The following SLIT1 variants were observed in gnomAD, a reference collection of about 807,000 sequenced individuals.
SLIT1 encodes slit homolog 1 protein.
A neutral mutation model predicts 186.1 loss-of-function variants in SLIT1; 66 were observed. That is an observed-to-expected ratio of 0.35 (90% CI 0.29 to 0.44). SLIT1 has a LOEUF of 0.44. SLIT1 is among the 20% of genes least tolerant of loss of function. SLIT1 has a pLI of 1.00. For synonymous variants in SLIT1, 761 were observed against 833.8 expected (o/e 0.91, Z 1.50); for missense variants, 1,638 against 2,037.4 (o/e 0.80, Z 3.77).
intron 28 of SLIT1, among the ~76,000 whole-genome samples, chr10:97,014,780 C>T (rs1022799515): frequency 3.3e-5 from 5 of 151,824 alleles, no homozygotes; most frequent in African/African-American, 1.2e-4. Flanking sequence ...GCAGGAGAAT[C>T]GCTTGAACCT....
chr10:97,018,592 G>A lies in SLIT1; in HGVS notation c.2963C>T (p.Pro988Leu), dbSNP rs776270572. ...TCHAQEGEDA[P>L]FTCSCPTGFE... ...GCCCCTCCAGGTAACTCACGTGAAC[G>A]GGGCATCCTCGCCCTCCTGTGCATG... Residue 988 changes from proline (P) to leucine (L), a missense_variant, in exon 28 of 37, where the codon CCG becomes CTG. Physicochemically the swap from Pro to Leu is moderately conservative, Grantham distance 98. Coordinates refer to ENST00000266058, the MANE Select transcript of SLIT1 (RefSeq NM_003061.3). The A allele has an allele frequency of 1.1e-5, 17 of 1,579,012 alleles. No homozygotes were observed. The highest frequency in any genetic ancestry group is 4.0e-5 in the African/African-American group (3 of 74,178).
At position 97,006,736 on chromosome 10, in the gene SLIT1, A is replaced by G. The variant is rs756246605; in HGVS notation, c.3342-16T>C. Reference sequence around the variant, plus strand: ...GAGCTGTCCACTGAGAGGAAAGGACATAAGTCAGAGAGGGCCAAGGAGGAA... The same window carrying G: ...GAGCTGTCCACTGAGAGGAAAGGACGTAAGTCAGAGAGGGCCAAGGAGGAA... On this transcript the variant is annotated splice_polypyrimidine_tract_variant and intron_variant, in intron 31 of 36. Coordinates refer to ENST00000266058, the MANE Select transcript of SLIT1 (RefSeq NM_003061.3). This position sits in a 1 kb window ranked among gnomAD's most constrained non-coding sequence, Gnocchi z 4.0. 4.4e-6 allele frequency: 7 copies of G among 1,591,070 alleles called. No homozygotes were observed. Among genetic ancestry groups the G allele is most frequent in the Non-Finnish European group, 6.0e-6 (7 of 1,159,666 alleles).
At chr10:97,125,047 G>A (rs551902803) in intron 4 of SLIT1, among the ~76,000 whole-genome samples, 2 of 152,254 alleles carry the variant, frequency 1.3e-5, no homozygotes, top group South Asian at 4.1e-4. Context: ...CATCAAACTG[G>A]CAAAGTGAAA....
chr10:97,061,413 G>A (rs537251342), intron 8 of SLIT1, among the ~76,000 whole-genome samples: 1 of 152,308 alleles, frequency 6.6e-6, no homozygotes. Flanking sequence ...TAGCTGGTGG[G>A]ACCACTACCT....
chr10:97,138,360 C>A (rs549403631), intron 4 of SLIT1, among the ~76,000 whole-genome samples: 1 of 152,236 alleles, frequency 6.6e-6, no homozygotes, highest in Non-Finnish European at 1.5e-5. Context: ...CCTGCATTCA[C>A]CTCCACTATC....
At chr10:97,181,071 G>A (rs933443536) in intron 1 of SLIT1, among the ~76,000 whole-genome samples, 4 of 152,200 alleles carry the variant, frequency 2.6e-5, no homozygotes, top group African/African-American at 7.2e-5. Context: ...TCGTCGTCCC[G>A]TTTTACAGAT....
chr10:97,033,408 G>A (rs1395356416), intron 23 of SLIT1, among the ~76,000 whole-genome samples: 1 of 152,160 alleles, frequency 6.6e-6, no homozygotes, highest in East Asian at 1.9e-4. Flanking sequence ...TCAGTTGCTT[G>A]GAATATAATT....
chr10:97,113,574 C>T (rs375283289), intron 4 of SLIT1, among the ~76,000 whole-genome samples: 12 of 136,328 alleles, frequency 8.8e-5, no homozygotes, highest in South Asian at 4.6e-4. Context: ...TTTTTTTTGA[C>T]GGAGTTTTGC....
At chr10:97,140,571 T>C (rs1228323656) in intron 4 of SLIT1, among the ~76,000 whole-genome samples, 2 of 152,194 alleles carry the variant, frequency 1.3e-5, no homozygotes, top group Non-Finnish European at 2.9e-5. Context: ...CCTTCCTTTC[T>C]AACCCTTCCC....
Position 97,021,903 on chromosome 10 carries a change from T to C in SLIT1, c.2583-490A>G, listed in dbSNP as rs1171295345. ...AGCACTGCATATGCATTGTCTCACT[T>C]AGTCATCACCACACGCTACTATTCT... On this transcript the variant is annotated intron_variant, in intron 25 of 36. Transcript: ENST00000266058. This position sits in a 1 kb window ranked among gnomAD's most constrained non-coding sequence, Gnocchi z 4.5. 6.6e-6 allele frequency among the ~76,000 whole-genome samples: 1 copy of C among 152,198 alleles called. No individual in the cohort carries two copies. Among genetic ancestry groups the C allele is most frequent in the Non-Finnish European group, 1.5e-5 (1 of 68,038 alleles).
At chr10:97,058,679 T>C (rs2134635338) in intron 11 of SLIT1, among the ~76,000 whole-genome samples, 1 of 152,322 alleles carries the variant, frequency 6.6e-6, no homozygotes, top group Non-Finnish European at 1.5e-5. Flanking sequence ...GGAGTTCTAT[T>C]CCGTTGTACT....
intron 4 of SLIT1, among the ~76,000 whole-genome samples, chr10:97,067,213 G>A (rs1329056035): frequency 6.6e-6 from 1 of 152,180 alleles, no homozygotes; most frequent in African/African-American, 2.4e-5. Context: ...TGAACGCCCT[G>A]CTGCGAGGGG....
chr10:97,058,407 T>C (rs1259492856), intron 11 of SLIT1, among the ~76,000 whole-genome samples: 4 of 152,186 alleles, frequency 2.6e-5, no homozygotes, highest in African/African-American at 9.7e-5. Flanking sequence ...CTTTTTAGAC[T>C]GCCATGTTCC....
chr10:97,118,258 C>T (rs1589400322), intron 4 of SLIT1, among the ~76,000 whole-genome samples: 1 of 152,160 alleles, frequency 6.6e-6, no homozygotes, highest in African/African-American at 2.4e-5. Context: ...ACGAGCAGCC[C>T]GAGGTCACAG....
rs61731900 is a variant in SLIT1, at chr10:97,042,991, C to T, written c.2074G>A (p.Val692Met). ...TTCTGGCATCGCGGGTTCCCCGTCA[C>T]GATCTTGCGCTTCCGTAGCCAGCCT... is the stretch of plus-strand genomic sequence containing the variant. ...LGGWLRKRKI[V>M]TGNPRCQNPD... Residue 692 changes from valine (V) to methionine (M), a missense_variant, in exon 20 of 37, where the codon GTG becomes ATG. This residue lies in a region of SLIT1 where 1,245 missense variants were observed against 1,535.3 expected (regional missense o/e 0.81). Coordinates refer to ENST00000266058, the MANE Select transcript of SLIT1 (RefSeq NM_003061.3). 2.5e-6 allele frequency: 4 copies of T among 1,614,130 alleles called. No individual in the cohort carries two copies. In the African/African-American group the frequency reaches 4.0e-5, roughly 16 times the overall value.
intron 28 of SLIT1, among the ~76,000 whole-genome samples, chr10:97,015,467 T>A (rs1848447521): frequency 6.6e-6 from 1 of 152,210 alleles, no homozygotes; most frequent in Non-Finnish European, 1.5e-5. Flanking sequence ...AAGAATTAAG[T>A]GACATGGCTA....
At position 97,136,754 on chromosome 10, in the gene SLIT1, C is replaced by T. The variant is rs182227428; in HGVS notation, c.413+21064G>A. Among the ~76,000 whole-genome samples, 43 of 152,306 alleles carry T rather than the reference C, an allele frequency of 2.8e-4. No homozygotes were observed. The East Asian group carries it at 7.9e-3, about 28-fold the overall frequency. On this transcript the variant is annotated intron_variant, in intron 4 of 36. Coordinates refer to ENST00000266058, the MANE Select transcript of SLIT1 (RefSeq NM_003061.3). ...CTTGCAAGATTTGAAGGCATACTGT[C>T]GGTGTGTAGGAGGCAACACTGTGTC...
At chr10:97,042,853 T>C in intron 20 of SLIT1, 48 bp downstream of exon 20, 1 of 1,592,540 alleles carries the variant, frequency 6.3e-7, no homozygotes, top group Non-Finnish European at 8.6e-7. Context: ...ACCCCACTGG[T>C]TGGACCCAGG....
At chr10:97,172,561 G>A (rs544173136) in intron 1 of SLIT1, among the ~76,000 whole-genome samples, 4 of 152,290 alleles carry the variant, frequency 2.6e-5, no homozygotes, top group Non-Finnish European at 4.4e-5. Flanking sequence ...CATTAGTTGA[G>A]TGGGTTTTCC....
Sources: allele counts gnomAD v4.1 joint callset (sites outside exome capture counted in the v4.1 genomes callset), GRCh38; gene constraint gnomAD v4.1.1; regional missense constraint gnomAD v4.1.1; non-coding constraint Gnocchi (gnomAD v3.1); transcripts MANE v1.5; gene names NCBI Gene and HGNC (gene_info 2026-07-23, HGNC 2026-07-21).